The following RAB38 variants were observed in gnomAD, a reference collection of about 807,000 sequenced individuals.
RAB38 encodes the protein ras-related protein Rab-38.
Under a neutral mutation model 18.4 loss-of-function variants are expected in RAB38, and 15 were observed. The observed-to-expected ratio is 0.82, with a 90% CI of 0.55 to 1.26. RAB38 has a LOEUF of 1.26. Ranked by LOEUF, RAB38 falls within the 50% of genes most tolerant of loss-of-function variation. The pLI is 0.00. For synonymous variants in RAB38, 101 were observed against 104.4 expected, an observed-to-expected ratio of 0.97 and a Z score of 0.20; for missense variants, 294 against 267.4, an observed-to-expected ratio of 1.10 and a Z score of -0.69.
At chr11:87,932,615 C>T in the RAB38 span, among the ~76,000 whole-genome samples, 2 of 152,170 alleles carry the variant, frequency 1.3e-5, no homozygotes, top group African/African-American at 4.8e-5. Context: ...TGTAATCAGC[C>T]TCCCATGAAA....
chr11:87,815,638 A>AAT, the RAB38 span: 1 of 152,190 alleles, frequency 6.6e-6, no homozygotes, highest in African/African-American at 2.4e-5. Context: ...TGTAACGGTG[A>AAT]CTTTATCAAC....
the RAB38 span, among the ~76,000 whole-genome samples, chr11:87,835,848 A>G: frequency 8.4e-3 from 1,277 of 152,308 alleles, 14 homozygotes; most frequent in Middle Eastern, 0.024. Flanking sequence ...GGTATTCATT[A>G]TGACAGCTCC....
the RAB38 span, among the ~76,000 whole-genome samples, chr11:88,015,772 T>C: frequency 3.3e-5 from 5 of 152,180 alleles, no homozygotes; most frequent in Non-Finnish European, 7.3e-5. Context: ...AAAAATGTCT[T>C]GAGTCTTAGA....
intron 2 of RAB38, among the ~76,000 whole-genome samples, chr11:88,145,253 G>C (rs1442387226): frequency 6.6e-6 from 1 of 151,842 alleles, no homozygotes; most frequent in Admixed American, 6.6e-5. Flanking sequence ...AGGTTCAAGC[G>C]ATTCTCCTAC....
chr11:88,168,410 C>G (rs1477264236), intron 1 of RAB38, among the ~76,000 whole-genome samples: 1 of 152,166 alleles, frequency 6.6e-6, no homozygotes, highest in Non-Finnish European at 1.5e-5. Context: ...GATGTCTTCT[C>G]ATCTCCATGT....
chr11:87,873,542 C>A, the RAB38 span, among the ~76,000 whole-genome samples: 3 of 151,438 alleles, frequency 2.0e-5, no homozygotes, highest in African/African-American at 7.3e-5. Context: ...AACCCAAAGT[C>A]ATCTAGATTT....
the RAB38 span, among the ~76,000 whole-genome samples, chr11:88,088,570 CATG>C: frequency 1.3e-5 from 2 of 151,928 alleles, no homozygotes; most frequent in African/African-American, 4.8e-5. Context: ...ACTTTGATTT[CATG>C]ATTTTTTGAA....
At chr11:88,014,109 T>C in the RAB38 span, among the ~76,000 whole-genome samples, 2 of 152,252 alleles carry the variant, frequency 1.3e-5, no homozygotes, top group African/African-American at 4.8e-5. Flanking sequence ...TCAAGAATAA[T>C]GGGAACTTTA....
the RAB38 span, among the ~76,000 whole-genome samples, chr11:87,805,707 A>G: frequency 2.0e-5 from 3 of 152,064 alleles, no homozygotes; most frequent in African/African-American, 7.2e-5. Context: ...ACATACATAT[A>G]TGTGTATACA....
chr11:88,080,076 A>G, the RAB38 span, among the ~76,000 whole-genome samples: 1 of 151,930 alleles, frequency 6.6e-6, no homozygotes, highest in African/African-American at 2.4e-5. Context: ...ATAAAGATAT[A>G]TAGATAGGAA....
chr11:88,032,076 C>A, the RAB38 span, among the ~76,000 whole-genome samples: 1 of 151,158 alleles, frequency 6.6e-6, no homozygotes, highest in Non-Finnish European at 1.5e-5. Context: ...AATAATGCCG[C>A]ATATCTACAA....
At chr11:88,118,434 G>T (rs891715029) in intron 2 of RAB38, among the ~76,000 whole-genome samples, 3 of 152,134 alleles carry the variant, frequency 2.0e-5, no homozygotes, top group Non-Finnish European at 4.4e-5. Context: ...AGACCCTTTG[G>T]GCAATTAGAT....
chr11:87,805,345 T>C, the RAB38 span, among the ~76,000 whole-genome samples: 2 of 151,852 alleles, frequency 1.3e-5, no homozygotes, highest in African/African-American at 2.4e-5. Flanking sequence ...CACACACACA[T>C]ATTATATTTT....
the RAB38 span, among the ~76,000 whole-genome samples, chr11:87,952,201 A>C: frequency 5.3e-5 from 8 of 151,916 alleles, no homozygotes; most frequent in African/African-American, 1.7e-4. Flanking sequence ...CTCATCTCTT[A>C]TTTCTTTCCC....
chr11:88,084,586 A>G, the RAB38 span, among the ~76,000 whole-genome samples: 1 of 151,886 alleles, frequency 6.6e-6, no homozygotes, highest in African/African-American at 2.4e-5. Context: ...GTTTTGATTA[A>G]TAAGTGACTG....
the RAB38 span, among the ~76,000 whole-genome samples, chr11:88,051,669 C>G: frequency 6.6e-6 from 1 of 152,098 alleles, no homozygotes; most frequent in Non-Finnish European, 1.5e-5. Flanking sequence ...ACTGAGATAG[C>G]ACAGATGTTG....
At chr11:88,172,412 T>TA (rs1943320374) in intron 1 of RAB38, among the ~76,000 whole-genome samples, 1 of 152,170 alleles carries the variant, frequency 6.6e-6, no homozygotes, top group Admixed American at 6.5e-5. Flanking sequence ...TTTAGTAGAT[T>TA]AAAAAGGGCC....
the RAB38 span, among the ~76,000 whole-genome samples, chr11:87,877,668 C>G: frequency 6.6e-6 from 1 of 151,572 alleles, no homozygotes; most frequent in Admixed American, 6.6e-5. Flanking sequence ...TTACGCCCAC[C>G]TTACATTTCA....
chr11:88,023,283 A>C, the RAB38 span, among the ~76,000 whole-genome samples: 24 of 152,060 alleles, frequency 1.6e-4, no homozygotes, highest in Non-Finnish European at 3.4e-4. Context: ...AAAAGTAATA[A>C]AAAATGTTTT....
Sources: gnomAD v4.1 joint callset for allele counts (sites outside exome capture counted in the v4.1 genomes callset) on GRCh38, gnomAD v4.1.1 for gene constraint, MANE v1.5 for transcripts, NCBI Gene and HGNC (gene_info 2026-07-23, HGNC 2026-07-21) for gene names.